Variants in RFC3 observed in about 807,000 individuals in gnomAD.
RFC3 encodes replication factor C subunit 3.
Under a neutral mutation model 45.1 loss-of-function variants are expected in RFC3, and 41 were observed. That is an observed-to-expected ratio of 0.91 (90% CI 0.71 to 1.18). The LOEUF is 1.18. Ranked by LOEUF, RFC3 falls within the 50% of genes most tolerant of loss-of-function variation. The probability of loss-of-function intolerance (pLI) is 0.00; values close to 1 mark genes in which losing one functional copy is unlikely to be tolerated. For synonymous variants in RFC3, 149 were observed against 144.0 expected (o/e 1.03, Z -0.25); for missense variants, 423 against 428.1 (o/e 0.99, Z 0.10).
intron 8 of RFC3, among the ~76,000 whole-genome samples, chr13:33,920,758 A>G (rs965559129): frequency 1.3e-5 from 2 of 152,066 alleles, no homozygotes; most frequent in African/African-American, 4.8e-5. Flanking sequence ...TTAATGCAGT[A>G]ATAGAGCTAC....
chr13:33,948,339 G>A (rs1008530038), intron 8 of RFC3, among the ~76,000 whole-genome samples: 6 of 152,214 alleles, frequency 3.9e-5, no homozygotes, highest in African/African-American at 1.4e-4. Context: ...CAAGAATTGA[G>A]GCTGGAGAAC....
chr13:33,950,404 A>G (rs1285227153), intron 8 of RFC3, among the ~76,000 whole-genome samples: 3 of 152,214 alleles, frequency 2.0e-5, no homozygotes, highest in African/African-American at 7.2e-5. Context: ...ATGAAAAAGG[A>G]AAAAAGTCTT....
chr13:33,878,487 T>C (rs1269181574), intron 8 of RFC3, among the ~76,000 whole-genome samples: 3 of 152,100 alleles, frequency 2.0e-5, no homozygotes, highest in African/African-American at 7.2e-5. Context: ...GATTCAAGGA[T>C]CACTGAGCTT....
intron 8 of RFC3, among the ~76,000 whole-genome samples, chr13:33,895,032 C>T (rs936523460): frequency 6.6e-6 from 1 of 152,132 alleles, no homozygotes; most frequent in African/African-American, 2.4e-5. Flanking sequence ...AAATGTAAGA[C>T]CTGAAACCAT....
chr13:33,882,696 T>C (rs915306619), intron 8 of RFC3, among the ~76,000 whole-genome samples: 10 of 152,208 alleles, frequency 6.6e-5, no homozygotes, highest in Non-Finnish European at 1.5e-4. Context: ...CAATCTTTTG[T>C]GTTTTTGTTA....
chr13:33,921,308 G>A (rs1285645503), intron 8 of RFC3, among the ~76,000 whole-genome samples: 1 of 152,148 alleles, frequency 6.6e-6, no homozygotes, highest in East Asian at 1.9e-4. Flanking sequence ...CTCCGTAAGT[G>A]GAGCTTGGGA....
intron 8 of RFC3, among the ~76,000 whole-genome samples, chr13:33,873,696 C>T (rs1294456431): frequency 6.6e-6 from 1 of 152,210 alleles, no homozygotes; most frequent in Non-Finnish European, 1.5e-5. Context: ...CCTTCACCCT[C>T]TTTTGCTCCA....
chr13:33,944,863 A>G (rs909624502), intron 8 of RFC3, among the ~76,000 whole-genome samples: 7 of 152,172 alleles, frequency 4.6e-5, no homozygotes, highest in African/African-American at 1.7e-4. Flanking sequence ...GCAACAGTCC[A>G]TGATTGGTAC....
chr13:33,924,172 T>C (rs765215567), intron 8 of RFC3, among the ~76,000 whole-genome samples: 50 of 152,160 alleles, frequency 3.3e-4, no homozygotes, highest in Middle Eastern at 6.8e-3. Context: ...AACCAGATAA[T>C]TGACTTTAAA....
At chr13:33,894,382 C>T (rs1195617344) in intron 8 of RFC3, among the ~76,000 whole-genome samples, 2 of 152,174 alleles carry the variant, frequency 1.3e-5, no homozygotes, top group Non-Finnish European at 2.9e-5. Context: ...GGAAGTCGTT[C>T]CTGATCTTAC....
intron 8 of RFC3, among the ~76,000 whole-genome samples, chr13:33,954,779 G>A (rs983041197): frequency 6.6e-6 from 1 of 152,052 alleles, no homozygotes; most frequent in African/African-American, 2.4e-5. Flanking sequence ...CTCCTCACGA[G>A]GGCTCCATCC....
At chr13:33,834,298 G>GTGTATA (rs1302839326) in intron 7 of RFC3, among the ~76,000 whole-genome samples, 11 of 109,204 alleles carry the variant, frequency 1.0e-4, no homozygotes, top group African/African-American at 4.5e-4. Context: ...TGTACTGTGT[G>GTGTATA]TATATATATA....
intron 1 of RFC3, among the ~76,000 whole-genome samples, chr13:33,820,447 C>T (rs965295233): frequency 1.3e-5 from 2 of 152,208 alleles, no homozygotes; most frequent in African/African-American, 4.8e-5. Flanking sequence ...CTTCCCCACC[C>T]TTTGGGTGGG....
chr13:33,933,348 TA>T (rs2082864548), intron 8 of RFC3, among the ~76,000 whole-genome samples: 1 of 152,124 alleles, frequency 6.6e-6, no homozygotes, highest in African/African-American at 2.4e-5. Context: ...CCTATTGTGT[TA>T]AAATGAACTG....
At chr13:33,894,627 A>T (rs2082585375) in intron 8 of RFC3, among the ~76,000 whole-genome samples, 1 of 152,088 alleles carries the variant, frequency 6.6e-6, no homozygotes, top group African/African-American at 2.4e-5. Context: ...CACCACTAGG[A>T]AGGCTTATGG....
chr13:33,825,699 T>C, intron 3 of RFC3, 90 bp from the exon 4 acceptor site: 1 of 595,140 alleles, frequency 1.7e-6, no homozygotes, highest in Non-Finnish European at 2.7e-6. Context: ...TAATTTTGAT[T>C]AAAATTTTGA....
chr13:33,893,925 T>C (rs543666819), intron 8 of RFC3, among the ~76,000 whole-genome samples: 1 of 151,608 alleles, frequency 6.6e-6, no homozygotes, highest in Non-Finnish European at 1.5e-5. Context: ...CAAGAGGGAG[T>C]TCAGCAAGAG....
At chr13:33,891,679 A>G (rs1221774212) in intron 8 of RFC3, among the ~76,000 whole-genome samples, 1 of 152,208 alleles carries the variant, frequency 6.6e-6, no homozygotes, top group Non-Finnish European at 1.5e-5. Flanking sequence ...TGACCTAAGC[A>G]CACAGCCAAC....
At chr13:33,897,844 G>T (rs888505399) in intron 8 of RFC3, among the ~76,000 whole-genome samples, 1 of 151,108 alleles carries the variant, frequency 6.6e-6, no homozygotes, top group Non-Finnish European at 1.5e-5. Flanking sequence ...ATGATAAAGG[G>T]GTCAAATCAC....
Sources: allele counts gnomAD v4.1 joint callset (sites outside exome capture counted in the v4.1 genomes callset), GRCh38; gene constraint gnomAD v4.1.1; transcripts MANE v1.5; gene names NCBI Gene and HGNC (gene_info 2026-07-23, HGNC 2026-07-21).